Variants in DLG2 observed in about 807,000 individuals in gnomAD.
DLG2 encodes the protein discs large MAGUK scaffold protein 2.
DLG2 carries 45 observed loss-of-function variants against 132.5 expected under a neutral mutation model. That is an observed-to-expected ratio of 0.34 (90% CI 0.27 to 0.44). DLG2 has a LOEUF of 0.44. Among genes scored for constraint, DLG2 ranks in the 20% least tolerant of loss-of-function variants. The pLI, the probability that DLG2 is intolerant of heterozygous loss-of-function variation, is 1.00. For synonymous variants in DLG2, 424 were observed against 419.6 expected (o/e 1.01, Z -0.13); for missense variants, 1,045 against 1,196.9 (o/e 0.87, Z 1.87).
intron 9 of DLG2, among the ~76,000 whole-genome samples, chr11:84,137,440 G>C (rs920347139): frequency 6.6e-6 from 1 of 151,504 alleles, no homozygotes; most frequent in Non-Finnish European, 1.5e-5. Flanking sequence ...CAAATTTTAT[G>C]TGTGTGTGTG....
At chr11:84,414,364 T>G (rs968218332) in intron 7 of DLG2, among the ~76,000 whole-genome samples, 6 of 152,188 alleles carry the variant, frequency 3.9e-5, no homozygotes, top group African/African-American at 1.2e-4. Flanking sequence ...TACAGGCAGG[T>G]AGGTGAATCT....
intron 6 of DLG2, among the ~76,000 whole-genome samples, chr11:85,012,891 A>G (rs190748172): frequency 1.3e-5 from 2 of 152,198 alleles, no homozygotes; most frequent in Non-Finnish European, 2.9e-5. Context: ...GACAAATTTT[A>G]TCACCCCTTA....
intron 3 of DLG2, among the ~76,000 whole-genome samples, chr11:85,426,377 C>A (rs375536280): frequency 3.3e-4 from 50 of 152,306 alleles, no homozygotes; most frequent in African/African-American, 1.1e-3. Context: ...AGGCACCCCC[C>A]AGTAGGGGCA....
At chr11:85,231,271 G>A (rs1412469324) in intron 4 of DLG2, among the ~76,000 whole-genome samples, 3 of 151,876 alleles carry the variant, frequency 2.0e-5, no homozygotes, top group African/African-American at 7.3e-5. Context: ...ACTTCAGTGT[G>A]GATAGTATAT....
At chr11:85,471,209 A>T (rs1404294323) in intron 3 of DLG2, among the ~76,000 whole-genome samples, 1 of 152,234 alleles carries the variant, frequency 6.6e-6, no homozygotes, top group East Asian at 1.9e-4. Context: ...TTGGGCAAGA[A>T]GAACGAATGC....
chr11:84,129,582 A>G (rs1238431894), intron 9 of DLG2, among the ~76,000 whole-genome samples: 1 of 152,130 alleles, frequency 6.6e-6, no homozygotes, highest in Admixed American at 6.6e-5. Flanking sequence ...GTCAGGCAGA[A>G]GAGTGTATGG....
At chr11:84,424,946 T>C (rs1426582005) in intron 7 of DLG2, among the ~76,000 whole-genome samples, 1 of 152,024 alleles carries the variant, frequency 6.6e-6, no homozygotes, top group African/African-American at 2.4e-5. Context: ...AGGGAAAAAC[T>C]GGCATATTGT....
intron 12 of DLG2, among the ~76,000 whole-genome samples, chr11:83,969,117 A>G (rs1224937856): frequency 6.6e-6 from 1 of 152,180 alleles, no homozygotes; most frequent in Non-Finnish European, 1.5e-5. Context: ...GGCAAATTTT[A>G]CAGATGAGAA....
chr11:84,207,073 C>A (rs2096677278), intron 8 of DLG2, among the ~76,000 whole-genome samples: 1 of 102,850 alleles, frequency 9.7e-6, no homozygotes. Context: ...CTCTCTCTCT[C>A]TCTCTCTCTA....
At chr11:84,206,287 T>C (rs974218594) in intron 8 of DLG2, among the ~76,000 whole-genome samples, 1 of 152,122 alleles carries the variant, frequency 6.6e-6, no homozygotes, top group African/African-American at 2.4e-5. Context: ...CATGTCCACA[T>C]GGCCTTGCTT....
chr11:84,916,348 C>CAAAA (rs11423369), intron 6 of DLG2, among the ~76,000 whole-genome samples: 1,456 of 27,890 alleles, frequency 0.052, 297 homozygotes, highest in African/African-American at 0.086. Context: ...GACTCCGTCT[C>CAAAA]AAAAAAAAAA....
intron 6 of DLG2, among the ~76,000 whole-genome samples, chr11:84,827,926 G>C (rs1424159888): frequency 6.6e-6 from 1 of 151,712 alleles, no homozygotes; most frequent in African/African-American, 2.4e-5. Context: ...TGGACATAGG[G>C]AGTAGAAAGG....
chr11:85,458,811 T>G (rs1297155128), intron 3 of DLG2, among the ~76,000 whole-genome samples: 1 of 152,226 alleles, frequency 6.6e-6, no homozygotes, highest in Admixed American at 6.5e-5. Context: ...GCAGCCATGC[T>G]TCTTCTCAGT....
chr11:85,171,050 A>G (rs542154807), intron 4 of DLG2, among the ~76,000 whole-genome samples: 1 of 152,328 alleles, frequency 6.6e-6, no homozygotes, highest in South Asian at 2.1e-4. Context: ...CACCATAGTA[A>G]TAATTGTTTG....
intron 6 of DLG2, among the ~76,000 whole-genome samples, chr11:84,740,563 A>C (rs889390840): frequency 1.3e-5 from 2 of 152,126 alleles, no homozygotes; most frequent in Non-Finnish European, 2.9e-5. Context: ...TCTGGAGTGC[A>C]TCCTCCTCTG....
chr11:83,534,393 G>C (rs1565679990), intron 20 of DLG2, among the ~76,000 whole-genome samples: 1 of 152,150 alleles, frequency 6.6e-6, no homozygotes. Context: ...GGGGAAAAAA[G>C]AGAAAGAAAA....
chr11:85,626,415 T>C (rs1173096735), intron 2 of DLG2, among the ~76,000 whole-genome samples, 172 bp downstream of exon 2: 2 of 152,236 alleles, frequency 1.3e-5, no homozygotes, highest in Admixed American at 6.5e-5. Flanking sequence ...ATAAATACTA[T>C]AGTCTTGCTT....
chr11:85,406,093 C>G (rs1200559108), intron 3 of DLG2, among the ~76,000 whole-genome samples: 1 of 151,908 alleles, frequency 6.6e-6, no homozygotes, highest in African/African-American at 2.4e-5. Flanking sequence ...ACAATTTATT[C>G]TTCAATTATA....
chr11:85,212,023 T>C (rs1489698646), intron 4 of DLG2, among the ~76,000 whole-genome samples: 1 of 152,130 alleles, frequency 6.6e-6, no homozygotes, highest in East Asian at 1.9e-4. Context: ...ATCTCCCTCA[T>C]CAAAATTCCC....
Sources: gnomAD v4.1 joint callset for allele counts (sites outside exome capture counted in the v4.1 genomes callset) on GRCh38, gnomAD v4.1.1 for gene constraint, MANE v1.5 for transcripts, NCBI Gene and HGNC (gene_info 2026-07-23, HGNC 2026-07-21) for gene names.